Variants in MDGA2 observed in about 807,000 individuals in gnomAD.
MDGA2 encodes the protein MAM domain-containing glycosylphosphatidylinositol anchor protein 2.
In MDGA2, 40 loss-of-function variants were observed where a neutral mutation model predicts 117.8. The observed-to-expected ratio is 0.34, with a 90% CI of 0.26 to 0.44. The LOEUF (loss-of-function observed/expected upper bound fraction) is 0.44. MDGA2 is among the 20% of genes least tolerant of loss of function. The probability of loss-of-function intolerance (pLI) is 1.00; values close to 1 mark genes in which losing one functional copy is unlikely to be tolerated. For missense variants in MDGA2, 1,123 were observed against 1,250.6 expected, an observed-to-expected ratio of 0.90 and a Z score of 1.54; for synonymous variants, 452 against 439.0, an observed-to-expected ratio of 1.03 and a Z score of -0.37.
At chr14:47,578,966 A>G (rs897212697) in intron 1 of MDGA2, among the ~76,000 whole-genome samples, 7 of 152,148 alleles carry the variant, frequency 4.6e-5, no homozygotes, top group Non-Finnish European at 2.9e-5. Flanking sequence ...AAGTATATGA[A>G]TATCTTACCC....
intron 2 of MDGA2, among the ~76,000 whole-genome samples, chr14:47,226,206 A>G (rs925542039): frequency 2.7e-5 from 4 of 148,580 alleles, no homozygotes. Flanking sequence ...AGAGTGAGAC[A>G]CTGTCTCACC....
intron 1 of MDGA2, among the ~76,000 whole-genome samples, chr14:47,666,527 C>T (rs77089586): frequency 1.5e-4 from 23 of 152,274 alleles, no homozygotes; most frequent in African/African-American, 5.5e-4. Flanking sequence ...ATGTGGAGAA[C>T]TTTTGAGTCT....
At position 46,845,868 on chromosome 14, in the gene MDGA2, T is replaced by C. The variant is rs200640642; in HGVS notation, c.2887A>G (p.Ile963Val). 301 of 1,609,276 alleles carry C rather than the reference T, an allele frequency of 1.9e-4. No individual in the cohort carries two copies. Among genetic ancestry groups the C allele is most frequent in the Non-Finnish European group, 1.4e-4 (166 of 1,176,054 alleles). ...CCAGGACCTCGGATACCTTCAAAAA[T>C]GAGCTACAAATATGAATGAAACAAA... ...NIYPITSFQLIFEGIRGPGIE... is the reference protein window; with the variant it reads ...NIYPITSFQLVFEGIRGPGIE... Residue 963 changes from isoleucine to valine, a missense_variant, in exon 16 of 17, where the codon ATT becomes GTT. This residue lies in a region of MDGA2 where 890 missense variants were observed against 1,050.3 expected (regional missense o/e 0.85). Coordinates refer to ENST00000399232, the MANE Select transcript of MDGA2 (RefSeq NM_001113498.3).
chr14:47,494,055 G>C (rs1184895696), intron 1 of MDGA2, among the ~76,000 whole-genome samples: 3 of 152,034 alleles, frequency 2.0e-5, no homozygotes, highest in African/African-American at 7.2e-5. Flanking sequence ...TTTTATAAGG[G>C]GCTTTAATTC....
chr14:47,045,058 A>G (rs1214603280), intron 7 of MDGA2, among the ~76,000 whole-genome samples: 7 of 152,218 alleles, frequency 4.6e-5, no homozygotes, highest in South Asian at 2.1e-4. Flanking sequence ...TTGCTATGGC[A>G]TAAGAATAGT....
chr14:47,035,067 T>C lies in MDGA2; in HGVS notation c.1763A>G (p.Gln588Arg). 2 of 1,614,158 alleles carry C rather than the reference T, an allele frequency of 1.2e-6. No individual in the cohort carries two copies. The highest frequency in any genetic ancestry group is 1.7e-6 in the Non-Finnish European group (2 of 1,180,004). The change falls in exon 8 of 17, where the codon CAA (glutamine) becomes CGA (arginine). Residue 588 changes from glutamine (Q) to arginine (R), a missense_variant. By Grantham distance (43) the Gln-to-Arg change is conservative. This residue lies in a region of MDGA2 where 890 missense variants were observed against 1,050.3 expected (regional missense o/e 0.85). Coordinates refer to ENST00000399232, the MANE Select transcript of MDGA2 (RefSeq NM_001113498.3). ...MSGMYRCQTS[Q>R]YNGFNVKPRE... ...TGGTTTCACGTTAAATCCATTGTATTGGCTGGTCTGACATCTGTACATTCC... is the reference window on the plus strand; with the variant it reads ...TGGTTTCACGTTAAATCCATTGTATCGGCTGGTCTGACATCTGTACATTCC...
intron 9 of MDGA2, among the ~76,000 whole-genome samples, chr14:46,956,227 GTTTC>G (rs1885557047): frequency 6.6e-6 from 1 of 151,916 alleles, no homozygotes; most frequent in Non-Finnish European, 1.5e-5. Flanking sequence ...ATAATGTCCA[GTTTC>G]TTTTTTTTAC....
At chr14:47,276,342 T>C (rs1229440894) in intron 2 of MDGA2, among the ~76,000 whole-genome samples, 2 of 152,204 alleles carry the variant, frequency 1.3e-5, no homozygotes, top group Admixed American at 1.3e-4. Flanking sequence ...TAATCCCTGG[T>C]ATCTCTCCAG....
At chr14:47,172,050 C>A (rs1194693951) in intron 3 of MDGA2, among the ~76,000 whole-genome samples, 9 of 152,132 alleles carry the variant, frequency 5.9e-5, no homozygotes, top group African/African-American at 2.2e-4. Flanking sequence ...ATTGCTAGCA[C>A]AGTGGTCTGA....
chr14:47,366,263 C>T (rs867923380), intron 1 of MDGA2, among the ~76,000 whole-genome samples: 29 of 152,136 alleles, frequency 1.9e-4, no homozygotes, highest in South Asian at 8.3e-4. Flanking sequence ...AAATACCAAT[C>T]CCCTTTTACA....
intron 7 of MDGA2, among the ~76,000 whole-genome samples, chr14:47,060,601 T>A (rs1428883445): frequency 6.6e-6 from 1 of 152,050 alleles, no homozygotes; most frequent in Non-Finnish European, 1.5e-5. Context: ...ATCCCTGTAA[T>A]TTTCCTTGTC....
chr14:46,938,619 T>C (rs1884879083), intron 9 of MDGA2, among the ~76,000 whole-genome samples: 1 of 141,752 alleles, frequency 7.1e-6, no homozygotes, highest in East Asian at 2.1e-4. Context: ...ATATGACAAA[T>C]GCTGGTGAAG....
At chr14:47,519,514 G>A (rs1263558876) in intron 1 of MDGA2, among the ~76,000 whole-genome samples, 1 of 152,148 alleles carries the variant, frequency 6.6e-6, no homozygotes, top group Non-Finnish European at 1.5e-5. Context: ...GAATTTACAT[G>A]TAATGCTTAA....
chr14:46,843,821 A>G (rs1880711976), intron 16 of MDGA2, among the ~76,000 whole-genome samples: 1 of 152,152 alleles, frequency 6.6e-6, no homozygotes, highest in African/African-American at 2.4e-5. Context: ...TTTATACAAC[A>G]TAGATTTTCA....
At chr14:46,890,660 A>G (rs997043401) in intron 10 of MDGA2, among the ~76,000 whole-genome samples, 2 of 152,036 alleles carry the variant, frequency 1.3e-5, no homozygotes, top group Admixed American at 6.6e-5. Flanking sequence ...GTCTGAAGAG[A>G]TGTGAACTGG....
chr14:47,538,841 C>T (rs1340308998), intron 1 of MDGA2, among the ~76,000 whole-genome samples: 1 of 152,128 alleles, frequency 6.6e-6, no homozygotes, highest in Non-Finnish European at 1.5e-5. Flanking sequence ...CACACGTATG[C>T]ATACACATAT....
chr14:47,065,277 C>A (rs1247772318), intron 6 of MDGA2, among the ~76,000 whole-genome samples: 2 of 152,094 alleles, frequency 1.3e-5, no homozygotes, highest in Admixed American at 1.3e-4. Context: ...CAAGGACATT[C>A]TAATTGCACT....
intron 1 of MDGA2, among the ~76,000 whole-genome samples, chr14:47,665,827 C>CGCCCCT (rs1442859881): frequency 2.2e-5 from 3 of 135,228 alleles, no homozygotes; most frequent in African/African-American, 5.5e-5. Flanking sequence ...CCCCCGCCCC[C>CGCCCCT]GCCCCACCCC....
intron 1 of MDGA2, among the ~76,000 whole-genome samples, chr14:47,476,026 T>C (rs1437658231): frequency 6.6e-6 from 1 of 151,980 alleles, no homozygotes; most frequent in Non-Finnish European, 1.5e-5. Context: ...AAAAATAAAA[T>C]AAAAGAATAA....
Sources: allele counts gnomAD v4.1 joint callset (sites outside exome capture counted in the v4.1 genomes callset), GRCh38; gene constraint gnomAD v4.1.1; regional missense constraint gnomAD v4.1.1; transcripts MANE v1.5; gene names NCBI Gene and HGNC (gene_info 2026-07-23, HGNC 2026-07-21).